GRIK3: variants seen among roughly 807,000 people sequenced by gnomAD.
GRIK3 encodes the protein glutamate ionotropic receptor kainate type subunit 3.
A neutral mutation model predicts 102.5 loss-of-function variants in GRIK3; 29 were observed. The ratio of observed to expected loss-of-function variants is 0.28; its 90% confidence interval spans 0.21 to 0.39. The LOEUF (loss-of-function observed/expected upper bound fraction) is 0.39, where lower values mean the gene tolerates loss of function less well. Among genes scored for constraint, GRIK3 ranks in the 10% least tolerant of loss-of-function variants. GRIK3 has a pLI of 1.00. For synonymous variants in GRIK3, 511 were observed against 504.9 expected, an observed-to-expected ratio of 1.01 and a Z score of -0.16; for missense variants, 908 against 1,252.4, an observed-to-expected ratio of 0.73 and a Z score of 4.15.
chr1:36,810,887 C>T (rs1004267447), intron 13 of GRIK3, among the ~76,000 whole-genome samples: 6 of 152,220 alleles, frequency 3.9e-5, no homozygotes, highest in African/African-American at 1.2e-4. Flanking sequence ...CACCTCCCCC[C>T]ATCCCGGCAG....
chr1:36,858,690 C>T (rs961122665), intron 7 of GRIK3, among the ~76,000 whole-genome samples: 2 of 152,186 alleles, frequency 1.3e-5, no homozygotes, highest in African/African-American at 4.8e-5. Flanking sequence ...AAGCACTTTC[C>T]ACGCAATGTC....
At chr1:36,825,535 G>T in intron 11 of GRIK3, 68 bp downstream of exon 11, 1 of 1,043,698 alleles carries the variant, frequency 9.6e-7, no homozygotes, top group Non-Finnish European at 1.4e-6. Context: ...GGGCTGAGGA[G>T]ATGAGGACCT....
In GRIK3 at chr1:36,860,031, G is replaced by A. The variant is rs753031375; in HGVS notation, c.787-14C>T. ...AGCGTAGAGATCCTGGATAGAGAGA[G>A]GTCTGTGTAAACCAAGGCATGCTCA... On this transcript the variant is annotated splice_polypyrimidine_tract_variant and intron_variant, in intron 5 of 15. Transcript: ENST00000373091. The A allele has an allele frequency of 1.3e-6, 2 of 1,561,574 alleles. No individual in the cohort carries two copies. Among genetic ancestry groups the A allele is most frequent in the Non-Finnish European group, 1.7e-6 (2 of 1,153,848 alleles).
intron 1 of GRIK3, among the ~76,000 whole-genome samples, chr1:36,945,689 G>A (rs1413970063): frequency 6.6e-6 from 1 of 152,182 alleles, no homozygotes; most frequent in East Asian, 1.9e-4. Flanking sequence ...GGTTCTTTTG[G>A]TGTGTGTAAT....
intron 1 of GRIK3, among the ~76,000 whole-genome samples, chr1:36,921,825 C>A (rs1641476854): frequency 6.6e-6 from 1 of 152,068 alleles, no homozygotes; most frequent in Admixed American, 6.5e-5. Flanking sequence ...GAGGACCTGG[C>A]CCTGCTTTGT....
At chr1:36,827,972 T>C (rs1642772959) in intron 10 of GRIK3, among the ~76,000 whole-genome samples, 1 of 151,538 alleles carries the variant, frequency 6.6e-6, no homozygotes, top group Admixed American at 6.6e-5. Context: ...AATGTGTGAG[T>C]TGGAATTTGC....
chr1:36,801,787 C>T lies in GRIK3; in HGVS notation c.*64G>A, dbSNP rs1642442824. On this transcript the variant is annotated 3_prime_UTR_variant, in exon 16 of 16. Coordinates refer to ENST00000373091, the MANE Select transcript of GRIK3 (RefSeq NM_000831.4). ...CCCAGTGCGGGGACAGGGGACGTTC[C>T]TTCCAATCTCCTTTGCTTTCCTCTG... 1.1e-5 allele frequency: 15 copies of T among 1,408,016 alleles called. No homozygotes were observed. Among genetic ancestry groups the T allele is most frequent in the Non-Finnish European group, 1.3e-5 (14 of 1,041,742 alleles). 87.2% of individuals were successfully genotyped at this position (1,408,016 alleles called of 1,614,324 possible).
At chr1:36,863,527 T>C (rs1210084149) in intron 5 of GRIK3, among the ~76,000 whole-genome samples, 1 of 152,144 alleles carries the variant, frequency 6.6e-6, no homozygotes, top group Non-Finnish European at 1.5e-5. Context: ...ATTTTCCCAG[T>C]CTCGCTGGCC....
chr1:36,840,551 CAA>C (rs11442581), intron 10 of GRIK3, among the ~76,000 whole-genome samples: 11 of 73,304 alleles, frequency 1.5e-4, no homozygotes, highest in African/African-American at 5.3e-4. Flanking sequence ...TGCTCTCCAC[CAA>C]AAAAAAAAAA....
chr1:36,922,480 C>T (rs897627852), intron 1 of GRIK3, among the ~76,000 whole-genome samples: 1 of 152,174 alleles, frequency 6.6e-6, no homozygotes, highest in Admixed American at 6.5e-5. Flanking sequence ...AATGCCTGGC[C>T]ATACAGGGGG....
At chr1:36,841,226 C>G (rs1331535211) in intron 10 of GRIK3, among the ~76,000 whole-genome samples, 1 of 152,170 alleles carries the variant, frequency 6.6e-6, no homozygotes, top group Non-Finnish European at 1.5e-5. Flanking sequence ...GGCTGACTCC[C>G]TGGTGCTTCC....
intron 1 of GRIK3, among the ~76,000 whole-genome samples, chr1:36,939,412 T>C (rs1455048073): frequency 6.6e-6 from 1 of 152,200 alleles, no homozygotes; most frequent in Non-Finnish European, 1.5e-5. Context: ...GAGAGCTACG[T>C]TGACACAAGC....
Position 36,806,570 on chromosome 1 carries a change from A to G in GRIK3, c.2092-244T>C, listed in dbSNP as rs1234488755. Among the ~76,000 whole-genome samples, 4 of 152,202 alleles carry G rather than the reference A, an allele frequency of 2.6e-5. No individual in the cohort carries two copies. Among genetic ancestry groups the G allele is most frequent in the East Asian group, 1.9e-4 (1 of 5,194 alleles). ...GGCCTGCTTCCTGGAAACCCTGGCC[A>G]TGGCACAAGTGGTCTTCAAGCTGAC... On this transcript the variant is annotated intron_variant, in intron 13 of 15. Transcript: ENST00000373091. The surrounding 1 kb of genome is among the most constrained non-coding windows in gnomAD (Gnocchi z 4.0).
intron 1 of GRIK3, among the ~76,000 whole-genome samples, chr1:36,970,315 G>A (rs575503637): frequency 6.6e-5 from 10 of 152,170 alleles, no homozygotes; most frequent in South Asian, 2.1e-4. Flanking sequence ...TGGGGCCACC[G>A]TACCATATCA....
chr1:36,901,865 A>G (rs1641234860), intron 1 of GRIK3, among the ~76,000 whole-genome samples: 1 of 152,380 alleles, frequency 6.6e-6, no homozygotes. Context: ...CTTGGCATTA[A>G]TAAGCAATTA....
At chr1:36,848,884 A>G (rs1433597400) in intron 9 of GRIK3, among the ~76,000 whole-genome samples, 1 of 152,094 alleles carries the variant, frequency 6.6e-6, no homozygotes, top group Non-Finnish European at 1.5e-5. Flanking sequence ...AAGTTGATCA[A>G]TAAAGGCCAG....
intron 1 of GRIK3, among the ~76,000 whole-genome samples, chr1:37,024,166 T>A (rs922701121): frequency 3.9e-5 from 6 of 152,226 alleles, no homozygotes; most frequent in African/African-American, 1.4e-4. Flanking sequence ...GAGGTGATGA[T>A]CTTACTGGTT....
chr1:36,934,927 A>G (rs1641639280), intron 1 of GRIK3, among the ~76,000 whole-genome samples: 1 of 151,998 alleles, frequency 6.6e-6, no homozygotes, highest in Non-Finnish European at 1.5e-5. Flanking sequence ...TTTCTTCTCC[A>G]TATCTGGCAC....
rs3820273 is a variant in GRIK3, at chr1:36,933,422, C to G, written c.116-42326G>C. ...ATGCAGCCAGAGACATGAAGTAAAC[C>G]TAATGGTAACTATGTAGTTTCAAAC... On this transcript the variant is annotated intron_variant, in intron 1 of 15. Transcript: ENST00000373091. 2.5e-4 allele frequency among the ~76,000 whole-genome samples: 38 copies of G among 152,314 alleles called. No individual in the cohort carries two copies. The East Asian group carries it at 5.6e-3, about 22-fold the overall frequency.
Sources: allele counts gnomAD v4.1 joint callset (sites outside exome capture counted in the v4.1 genomes callset), GRCh38; gene constraint gnomAD v4.1.1; non-coding constraint Gnocchi (gnomAD v3.1); transcripts MANE v1.5; gene names NCBI Gene and HGNC (gene_info 2026-07-23, HGNC 2026-07-21).